ARHGEF10L: variants seen among roughly 807,000 people sequenced by gnomAD.
ARHGEF10L encodes the protein Rho guanine nucleotide exchange factor 10 like.
Under a neutral mutation model 141.2 loss-of-function variants are expected in ARHGEF10L, and 69 were observed. The observed-to-expected ratio is 0.49, with a 90% CI of 0.40 to 0.60. ARHGEF10L has a LOEUF of 0.60. ARHGEF10L is among the 20% of genes least tolerant of loss of function. The probability of loss-of-function intolerance (pLI) is 0.00; values close to 1 mark genes in which losing one functional copy is unlikely to be tolerated. For synonymous variants in ARHGEF10L, 711 were observed against 718.5 expected (o/e 0.99, Z 0.17); for missense variants, 1,482 against 1,734.3 (o/e 0.85, Z 2.58).
intron 26 of ARHGEF10L, among the ~76,000 whole-genome samples, chr1:17,671,488 G>A (rs1467905985): frequency 6.6e-6 from 1 of 152,172 alleles, no homozygotes; most frequent in Non-Finnish European, 1.5e-5. Flanking sequence ...CACCAGCCTT[G>A]TGGTGTTTCT....
Position 17,695,183 on chromosome 1 carries a change from C to A in ARHGEF10L, c.3210C>A (p.Ser1070Arg), listed in dbSNP as rs1448592797. Residue 1070 changes from serine (S) to arginine (R), a missense_variant, in exon 28 of 29, where the codon AGC becomes AGA. By Grantham distance (110) the Ser-to-Arg change is moderately radical. Around this residue, in one of 3 missense-constraint regions of ARHGEF10L, gnomAD observed 858 missense variants for 966.3 expected, o/e 0.89. Transcript: ENST00000361221. ...LPGQKHLCVT[S>R]LLICQGLLWV... ...GCCAGAAGCACTTGTGTGTCACCAG[C>A]CTCCTGATCTGCCAGGGTCTGCTCT... 2 of 1,612,932 alleles carry A rather than the reference C, an allele frequency of 1.2e-6. No individual in the cohort carries two copies. Among genetic ancestry groups the A allele is most frequent in the South Asian group, 1.1e-5 (1 of 91,084 alleles).
rs2062261559 is a variant in ARHGEF10L at position 17,656,465 on chromosome 1, T to G, written c.2706-89T>G. ...GCGTGGCTGAGAGGGGTCAGCTCCCTGGGGCCCTCTCCCTAGGAGGGCATG... is the reference window on the plus strand; with the variant it reads ...GCGTGGCTGAGAGGGGTCAGCTCCCGGGGGCCCTCTCCCTAGGAGGGCATG... On this transcript the variant is annotated intron_variant, in intron 24 of 28. Transcript: ENST00000361221. The surrounding 1 kb of genome is among the most constrained non-coding windows in gnomAD (Gnocchi z 4.9). 6.8e-7 allele frequency: 1 copy of G among 1,474,086 alleles called. No individual in the cohort carries two copies. Among genetic ancestry groups the G allele is most frequent in the East Asian group, 2.3e-5 (1 of 43,640 alleles). The allele number at this position is 1,474,086 out of a possible 1,614,324, so 91.3% of individuals were successfully genotyped here. A position where few individuals can be genotyped will look rare whatever the true frequency, so the allele number is the denominator to read the frequency against.
chr1:17,634,350 G>GT lies in ARHGEF10L; in HGVS notation c.1731-196dup, dbSNP rs2060873322. ...ATCATCTAAGCTTCCTAGCGGGGCT[G>GT]TTGTGAGACCCAGAGATGAAGGAAG... On this transcript the variant is annotated intron_variant, in intron 16 of 28. Transcript: ENST00000361221. 1.6e-5 allele frequency: 13 copies of GT among 797,434 alleles called. 1 individual carries two copies. The South Asian group carries it at 2.1e-4, about 13-fold the overall frequency. The allele number at this position is 797,434 out of a possible 1,614,324, so 49.4% of individuals were successfully genotyped here.
chr1:17,631,826 C>G (rs1372144438), intron 15 of ARHGEF10L, among the ~76,000 whole-genome samples: 1 of 152,230 alleles, frequency 6.6e-6, no homozygotes, highest in East Asian at 1.9e-4. Flanking sequence ...GTAGCCAGAC[C>G]CGGTCACATG....
At chr1:17,538,235 G>A (rs140575664), upstream of ARHGEF10L, among the ~76,000 whole-genome samples, 3 of 152,306 alleles carry the variant, frequency 2.0e-5, no homozygotes, top group Non-Finnish European at 4.4e-5. Flanking sequence ...GTCACTCAAT[G>A]GACATCTGAA....
intron 21 of ARHGEF10L, 24 bp downstream of exon 21, chr1:17,640,326 G>A: frequency 6.3e-7 from 1 of 1,583,194 alleles, no homozygotes; most frequent in Non-Finnish European, 8.6e-7. Context: ...CAGGGAGAGT[G>A]CCTCAGGGGG....
At chr1:17,640,126 A>G in intron 20 of ARHGEF10L, 76 bp from the exon 21 acceptor site, 1 of 1,535,662 alleles carries the variant, frequency 6.5e-7, no homozygotes, top group South Asian at 1.2e-5. Flanking sequence ...GGTTGGAGGA[A>G]GTACTACGTG....
the ARHGEF10L span, among the ~76,000 whole-genome samples, chr1:17,533,505 A>G: frequency 6.6e-6 from 1 of 152,152 alleles, no homozygotes; most frequent in Admixed American, 6.6e-5. Context: ...CCCCAGGAGA[A>G]TGGGCTATTC....
the ARHGEF10L span, among the ~76,000 whole-genome samples, chr1:17,528,647 C>A: frequency 6.6e-6 from 1 of 152,200 alleles, no homozygotes; most frequent in Admixed American, 6.5e-5. Flanking sequence ...ATTCATTCAT[C>A]TGAAGACTGT....
Position 17,656,144 on chromosome 1 carries a change from GC to G in ARHGEF10L, c.2705+43del, listed in dbSNP as rs1369452294. The G allele has an allele frequency of 8.4e-6, 13 of 1,540,762 alleles. No homozygotes were observed. Among genetic ancestry groups the G allele is most frequent in the Middle Eastern group, 2.3e-4 (1 of 4,426 alleles). ...GAGGGGTGAGAGCAGCCTCTGCAGG[GC>G]TGGGCAGTGGGTGGGGGCTGTCCCT... On this transcript the variant is annotated intron_variant, in intron 24 of 28. Coordinates refer to ENST00000361221, the MANE Select transcript of ARHGEF10L (RefSeq NM_018125.4). This position sits in a 1 kb window ranked among gnomAD's most constrained non-coding sequence, Gnocchi z 4.9.
At chr1:17,519,334 G>A in the ARHGEF10L span, among the ~76,000 whole-genome samples, 1 of 152,012 alleles carries the variant, frequency 6.6e-6, no homozygotes, top group East Asian at 1.9e-4. Flanking sequence ...AAACTGGATG[G>A]GCACGTGGCT....
At chr1:17,691,128 T>C in intron 27 of ARHGEF10L, 1 of 456,018 alleles carries the variant, frequency 2.2e-6, no homozygotes, top group Non-Finnish European at 4.4e-6. Flanking sequence ...AGACAGGTCA[T>C]TAATAAAATG....
intron 26 of ARHGEF10L, among the ~76,000 whole-genome samples, chr1:17,677,200 G>A (rs890392852): frequency 2.0e-5 from 3 of 152,132 alleles, no homozygotes; most frequent in Admixed American, 6.5e-5. Flanking sequence ...ACTGTGTGCC[G>A]GGGGCTCAGC....
In ARHGEF10L at chr1:17,573,246, G is replaced by A. The variant is rs917775439; in HGVS notation, c.-43-7307G>A. ...CAGCCTAAACACACTCTCATGCTAA[G>A]TGGCGAGGGCCCAGCAGCGAGGACG... On this transcript the variant is annotated intron_variant, in intron 1 of 28. Transcript: ENST00000361221. The surrounding 1 kb of genome is among the most constrained non-coding windows in gnomAD (Gnocchi z 4.8). Among the ~76,000 whole-genome samples the A allele has an allele frequency of 2.6e-4, 39 of 152,328 alleles. No homozygotes were observed. Among genetic ancestry groups the A allele is most frequent in the African/African-American group, 7.9e-4 (33 of 41,586 alleles).
Position 17,625,061 on chromosome 1 carries a change from G to A in ARHGEF10L, c.1317+558G>A, listed in dbSNP as rs2060307505. On this transcript the variant is annotated intron_variant, in intron 13 of 28. Coordinates refer to ENST00000361221, the MANE Select transcript of ARHGEF10L (RefSeq NM_018125.4). This position sits in a 1 kb window ranked among gnomAD's most constrained non-coding sequence, Gnocchi z 4.5. Reference sequence around the variant, plus strand: ...GGCAGAGGATGCAACTGGGCTAGGTGCCAGGACACGCACACATGTGCCGGC... The same window carrying A: ...GGCAGAGGATGCAACTGGGCTAGGTACCAGGACACGCACACATGTGCCGGC... 6.6e-6 allele frequency among the ~76,000 whole-genome samples: 1 copy of A among 152,238 alleles called. No individual in the cohort carries two copies. The highest frequency in any genetic ancestry group is 1.5e-5 in the Non-Finnish European group (1 of 68,040).
intron 26 of ARHGEF10L, among the ~76,000 whole-genome samples, chr1:17,665,418 A>G (rs1337690086): frequency 6.6e-6 from 1 of 151,616 alleles, no homozygotes; most frequent in East Asian, 1.9e-4. Flanking sequence ...AGATGACACA[A>G]CTCTCATTTG....
At chr1:17,601,073 AAAC>A (rs1438327259) in intron 4 of ARHGEF10L, among the ~76,000 whole-genome samples, 1 of 151,728 alleles carries the variant, frequency 6.6e-6, no homozygotes, top group East Asian at 1.9e-4. Flanking sequence ...AAAAAACAAA[AAAC>A]AAAAAACTCT....
chr1:17,619,234 G>A lies in ARHGEF10L; in HGVS notation c.836-105G>A. 1 of 1,140,440 alleles carries A rather than the reference G, an allele frequency of 8.8e-7. No homozygotes were observed. The highest frequency in any genetic ancestry group is 1.3e-6 in the Non-Finnish European group (1 of 786,942). 70.6% of individuals were successfully genotyped at this position (1,140,440 alleles called of 1,614,324 possible). ...GGCCCCAGGAGCTGCTTGCACCCTA[G>A]GACCTGGGTCCAAGGCTGGTCTAGG... is the stretch of plus-strand genomic sequence containing the variant. On this transcript the variant is annotated intron_variant, in intron 9 of 28. Transcript: ENST00000361221. The surrounding 1 kb of genome is among the most constrained non-coding windows in gnomAD (Gnocchi z 5.0).
chr1:17,526,999 G>T, the ARHGEF10L span, among the ~76,000 whole-genome samples: 3 of 151,924 alleles, frequency 2.0e-5, no homozygotes, highest in Admixed American at 2.0e-4. Context: ...TCAGGCGGGC[G>T]GATGTCTCTA....
Sources: gnomAD v4.1 joint callset for allele counts (sites outside exome capture counted in the v4.1 genomes callset) on GRCh38, gnomAD v4.1.1 for gene constraint, gnomAD v4.1.1 regional missense constraint, Gnocchi (gnomAD v3.1) non-coding constraint, MANE v1.5 for transcripts, NCBI Gene and HGNC (gene_info 2026-07-23, HGNC 2026-07-21) for gene names.